Variants in ZMAT1 observed in about 807,000 individuals in gnomAD.
ZMAT1 encodes the protein zinc finger matrin-type 1, also known as zinc finger matrin-type protein 1.
In ZMAT1, 11 loss-of-function variants were observed where a neutral mutation model predicts 18.5. That is an observed-to-expected ratio of 0.59 (90% CI 0.37 to 0.98). The LOEUF (loss-of-function observed/expected upper bound fraction) is 0.98. Ranked by LOEUF, ZMAT1 falls within the 50% of genes least tolerant of loss-of-function variation. The probability of loss-of-function intolerance (pLI) is 0.01; values close to 1 mark genes in which losing one functional copy is unlikely to be tolerated. For synonymous variants in ZMAT1, 211 were observed against 176.4 expected (o/e 1.20, Z -1.55); for missense variants, 525 against 496.2 (o/e 1.06, Z -0.55).
At chrX:101,930,644 A>C (rs1302235654) in intron 1 of ZMAT1, among the ~76,000 whole-genome samples, 1 of 112,287 alleles carries the variant, frequency 8.9e-6, no homozygotes, top group East Asian at 2.8e-4. Flanking sequence ...TGGTGTCCAC[A>C]ATCTTTCACT....
In ZMAT1 at chrX:101,883,795, G is replaced by A; in HGVS notation, c.1803C>T (p.His601=). 8.3e-7 allele frequency: 1 copy of A among 1,208,994 alleles called. No homozygotes were observed. Among genetic ancestry groups the A allele is most frequent in the East Asian group, 3.0e-5 (1 of 33,730 alleles). The change falls in exon 6 of 6, where the codon CAC becomes CAT. Residue 601 remains histidine, a synonymous_variant. Coordinates refer to ENST00000651725, the MANE Select transcript of ZMAT1 (RefSeq NM_001394560.1). The part of the protein sequence containing the change: ...HKRKHQKRKR[H]LEEGKERPEK... ...CTGGCCTTTCTTTGCCTTCTTCTAG[G>A]TGTCGTTTTCTCTTCTGATGTTTCC...
intron 1 of ZMAT1, chrX:101,918,483 C>CACACACAA (rs758997318): frequency 4.2e-4 from 41 of 98,473 alleles, no homozygotes; most frequent in African/African-American, 1.4e-3. Flanking sequence ...CACACACACA[C>CACACACAA]AAAAATTAGC....
chrX:101,889,245 T>G (rs1927197477), intron 4 of ZMAT1: 1 of 111,658 alleles, frequency 9.0e-6, no homozygotes, highest in African/African-American at 3.2e-5. Flanking sequence ...TGAATCCTCC[T>G]GGGGCCTGCC....
rs1449568308 is a variant in ZMAT1, at chrX:101,884,591, G to A, written c.1007C>T (p.Thr336Ile). The A allele has an allele frequency of 8.3e-6, 10 of 1,209,178 alleles. No homozygotes were observed. Among genetic ancestry groups the A allele is most frequent in the Non-Finnish European group, 1.1e-5 (10 of 894,769 alleles). ...TGAAATATTGTATGGTGCTGCGTAT[G>A]TCCGGAAAGTCTCAAATGGGAGTCT... ...EQRLPFETFR[T>I]YAAPYNISQA... The change falls in exon 6 of 6, where the codon ACA (threonine) becomes ATA (isoleucine). Residue 336 changes from threonine to isoleucine, a missense_variant. Coordinates refer to ENST00000651725, the MANE Select transcript of ZMAT1 (RefSeq NM_001394560.1).
intron 1 of ZMAT1, among the ~76,000 whole-genome samples, chrX:101,920,726 C>A (rs773082625): frequency 8.9e-6 from 1 of 112,158 alleles, no homozygotes; most frequent in Non-Finnish European, 1.9e-5. Flanking sequence ...AGGAACAAAT[C>A]CTAATGTAAA....
intron 1 of ZMAT1, chrX:101,911,421 T>C (rs1928955837): frequency 2.3e-6 from 1 of 442,417 alleles, no homozygotes; most frequent in African/African-American, 2.5e-5. Flanking sequence ...TAAACTACTC[T>C]TATCCTAAGT....
At chrX:101,924,982 A>C (rs748677855) in intron 1 of ZMAT1, among the ~76,000 whole-genome samples, 1 of 112,197 alleles carries the variant, frequency 8.9e-6, no homozygotes, top group South Asian at 3.7e-4. Context: ...TGAATTTCAC[A>C]CTTAAAATGG....
intron 1 of ZMAT1, among the ~76,000 whole-genome samples, chrX:101,905,888 T>C (rs867632063): frequency 6.3e-5 from 3 of 47,975 alleles, no homozygotes; most frequent in Non-Finnish European, 1.3e-4. Flanking sequence ...GCCAAAAAAC[T>C]AAAAAAAAAA....
intron 1 of ZMAT1, among the ~76,000 whole-genome samples, chrX:101,906,183 C>T (rs760332817): frequency 5.5e-4 from 61 of 111,696 alleles, no homozygotes; most frequent in Non-Finnish European, 7.2e-4. Flanking sequence ...AGCCTCCAGG[C>T]CTGCTCCAGT....
chrX:101,884,750 T>A lies in ZMAT1; in HGVS notation c.848A>T (p.Asp283Val), dbSNP rs201830609. 7 of 1,208,770 alleles carry A rather than the reference T, an allele frequency of 5.8e-6. No individual in the cohort carries two copies. The highest frequency in any genetic ancestry group is 7.8e-6 in the Non-Finnish European group (7 of 894,249). The change falls in exon 6 of 6, where the codon GAT becomes GTT. Residue 283 changes from aspartate to valine, a missense_variant. Physicochemically the swap from Asp to Val is radical, Grantham distance 152. Coordinates refer to ENST00000651725, the MANE Select transcript of ZMAT1 (RefSeq NM_001394560.1). Reference sequence around the variant, plus strand: ...TCTGGCTTTCTGCACATTGATGTAATCTGCACACTCATTTTGGTAAGAGTC... The same window carrying A: ...TCTGGCTTTCTGCACATTGATGTAAACTGCACACTCATTTTGGTAAGAGTC... ...TQDSYQNECA[D>V]YINVQKARGL...
intron 1 of ZMAT1, among the ~76,000 whole-genome samples, chrX:101,925,823 T>A (rs986000815): frequency 8.9e-6 from 1 of 112,521 alleles, no homozygotes; most frequent in African/African-American, 3.2e-5. Flanking sequence ...TTGGGCTGGA[T>A]AACTGATTGT....
At chrX:101,897,770 G>A (rs1927928106) in intron 4 of ZMAT1, 98 bp downstream of exon 4, 5 of 684,816 alleles carry the variant, frequency 7.3e-6, no homozygotes, top group Non-Finnish European at 1.1e-5. Context: ...ATTTCAACTG[G>A]GGTGAAAGTC....
At chrX:101,915,683 A>G (rs1195061298) in intron 1 of ZMAT1, 2 of 112,420 alleles carry the variant, frequency 1.8e-5, no homozygotes, top group Non-Finnish European at 3.8e-5. Flanking sequence ...TTCATGAAGC[A>G]TTCCATAGTT....
At chrX:101,890,190 G>T (rs1291102298) in intron 4 of ZMAT1, 1 of 111,848 alleles carries the variant, frequency 8.9e-6, no homozygotes, top group Non-Finnish European at 1.9e-5. Context: ...TAAACAATTT[G>T]CAAATATGAA....
In ZMAT1 at chrX:101,916,470, C is replaced by T. The variant is rs983356043; in HGVS notation, c.293-12140G>A. ...ATAAAATTAAATACCTAGGCATTAA[C>T]TTAAGCAAAGAAATGCAAGATCTCT... is the stretch of plus-strand genomic sequence containing the variant. On this transcript the variant is annotated intron_variant, in intron 1 of 5. Coordinates refer to ENST00000651725, the MANE Select transcript of ZMAT1 (RefSeq NM_001394560.1). Among the ~76,000 whole-genome samples the T allele has an allele frequency of 3.6e-5, 4 of 111,567 alleles. No individual in the cohort carries two copies. The East Asian group carries it at 1.1e-3, about 31-fold the overall frequency.
At chrX:101,931,399 G>T (rs10449020) in intron 1 of ZMAT1, 170,475 of 730,453 alleles carry the variant, frequency 0.23, 14,385 homozygotes, top group African/African-American at 0.29. Context: ...GCACACTAAG[G>T]TGTCCTGGCT....
intron 1 of ZMAT1, among the ~76,000 whole-genome samples, chrX:101,922,445 G>A (rs769721749): frequency 7.4e-4 from 80 of 108,438 alleles, no homozygotes; most frequent in African/African-American, 2.2e-3. Context: ...CCAGGCTGGA[G>A]TGCAGTGGTG....
intron 1 of ZMAT1, among the ~76,000 whole-genome samples, chrX:101,920,187 C>T (rs971037380): frequency 2.7e-5 from 3 of 109,961 alleles, no homozygotes; most frequent in Admixed American, 9.7e-5. Context: ...TACAGGCATA[C>T]ACCACCATGC....
chrX:101,892,173 T>G (rs1452032352), intron 4 of ZMAT1, among the ~76,000 whole-genome samples: 5 of 111,003 alleles, frequency 4.5e-5, no homozygotes, highest in African/African-American at 1.6e-4. Flanking sequence ...GGACTAAAGG[T>G]CCAAAGAGGT....
Sources: gnomAD v4.1 joint callset for allele counts (sites outside exome capture counted in the v4.1 genomes callset) on GRCh38, gnomAD v4.1.1 for gene constraint, MANE v1.5 for transcripts, NCBI Gene and HGNC (gene_info 2026-07-23, HGNC 2026-07-21) for gene names.